Variants in PLXDC2 observed in about 807,000 individuals in gnomAD.
The protein encoded by PLXDC2 is plexin domain-containing protein 2.
PLXDC2 carries 40 observed loss-of-function variants against 68.9 expected under a neutral mutation model. The ratio of observed to expected loss-of-function variants is 0.58; its 90% CI spans 0.45 to 0.76. The LOEUF is 0.76. Among genes scored for constraint, PLXDC2 ranks in the 30% least tolerant of loss-of-function variants. The pLI, the probability that PLXDC2 is intolerant of heterozygous loss-of-function variation, is 0.00. For missense variants in PLXDC2, 644 were observed against 661.9 expected (o/e 0.97, Z 0.30); for synonymous variants, 243 against 234.2 (o/e 1.04, Z -0.34).
At chr10:19,951,759 T>C (rs1833995821) in intron 1 of PLXDC2, among the ~76,000 whole-genome samples, 1 of 152,112 alleles carries the variant, frequency 6.6e-6, no homozygotes, top group Non-Finnish European at 1.5e-5. Context: ...TGCCCATCAG[T>C]GGGGGATTGG....
At chr10:19,848,776 A>C (rs1348761512) in intron 1 of PLXDC2, among the ~76,000 whole-genome samples, 3 of 151,940 alleles carry the variant, frequency 2.0e-5, no homozygotes, top group African/African-American at 7.3e-5. Flanking sequence ...GCTGCACTTG[A>C]ATTTCATGAA....
At chr10:19,877,230 GAA>G (rs917157227) in intron 1 of PLXDC2, among the ~76,000 whole-genome samples, 1 of 151,704 alleles carries the variant, frequency 6.6e-6, no homozygotes, top group African/African-American at 2.4e-5. Flanking sequence ...GATAGAATGA[GAA>G]AGAGAGAGAG....
At chr10:20,226,761 C>G (rs1835292810) in intron 12 of PLXDC2, among the ~76,000 whole-genome samples, 3 of 152,126 alleles carry the variant, frequency 2.0e-5, no homozygotes, top group Non-Finnish European at 4.4e-5. Flanking sequence ...ATGCACTTTC[C>G]ATTTGCCATC....
At chr10:20,003,494 A>G (rs1208931612) in intron 2 of PLXDC2, among the ~76,000 whole-genome samples, 2 of 152,108 alleles carry the variant, frequency 1.3e-5, no homozygotes, top group Non-Finnish European at 2.9e-5. Context: ...GTGCAGTGGC[A>G]TGATCTCGGC....
intron 13 of PLXDC2, among the ~76,000 whole-genome samples, chr10:20,267,133 T>C (rs953451405): frequency 2.6e-5 from 4 of 152,184 alleles, no homozygotes; most frequent in Non-Finnish European, 5.9e-5. Flanking sequence ...TTTATACAAA[T>C]CTTATTAGAA....
Position 20,282,638 on chromosome 10 carries a change from G to A in PLXDC2, c.*2819G>A, listed in dbSNP as rs1279218646. 1 of 152,084 alleles carries A rather than the reference G, an allele frequency of 6.6e-6. No individual in the cohort carries two copies. The highest frequency in any genetic ancestry group is 1.5e-5 in the Non-Finnish European group (1 of 68,010). The allele number at this position is 152,084 out of a possible 1,614,324, so 9.4% of individuals were successfully genotyped here. On this transcript the variant is annotated 3_prime_UTR_variant, in exon 14 of 14. Coordinates refer to ENST00000377252, the MANE Select transcript of PLXDC2 (RefSeq NM_032812.9). The stretch of plus-strand genomic sequence containing the variant: ...CCATTATTGGAACGCTAAGCTTATG[G>A]GAGTTATTTAGAGCCTACTGCTCAA...
At chr10:20,090,481 G>A (rs1039691497) in intron 4 of PLXDC2, among the ~76,000 whole-genome samples, 1 of 151,952 alleles carries the variant, frequency 6.6e-6, no homozygotes, top group Non-Finnish European at 1.5e-5. Context: ...CCCATGCCCT[G>A]GAAACAATAT....
intron 2 of PLXDC2, among the ~76,000 whole-genome samples, chr10:20,021,418 C>G (rs765921875): frequency 5.9e-5 from 9 of 152,096 alleles, no homozygotes; most frequent in Non-Finnish European, 1.3e-4. Context: ...TGCTTTCCCT[C>G]CCCTTGACAG....
In PLXDC2 at chr10:20,228,593, A is replaced by G. The variant is rs183014446; in HGVS notation, c.1312+9491A>G. 6.4e-3 allele frequency among the ~76,000 whole-genome samples: 433 copies of G among 67,238 alleles called. 2 individuals carry two copies. Among genetic ancestry groups the G allele is most frequent in the African/African-American group, 0.021 (423 of 19,988 alleles). 44.1% of individuals were successfully genotyped at this position (67,238 alleles called of 152,430 possible). On this transcript the variant is annotated intron_variant, in intron 12 of 13. Transcript: ENST00000377252. ...AAAATAAGAAAAAAGGCAGGAAGGCAGGAAGGAAGGAAGGAAGGAGGAAAG... is the reference window on the plus strand; with the variant it reads ...AAAATAAGAAAAAAGGCAGGAAGGCGGGAAGGAAGGAAGGAAGGAGGAAAG...
intron 12 of PLXDC2, among the ~76,000 whole-genome samples, chr10:20,232,420 C>T (rs1322992613): frequency 6.6e-6 from 1 of 151,904 alleles, no homozygotes. Flanking sequence ...ACACACAAAA[C>T]TTGTAAGAGA....
At chr10:20,246,531 G>A (rs1165945795) in intron 13 of PLXDC2, among the ~76,000 whole-genome samples, 1 of 152,130 alleles carries the variant, frequency 6.6e-6, no homozygotes, top group Non-Finnish European at 1.5e-5. Context: ...TGTATTTTTA[G>A]TAGAGATGGG....
intron 6 of PLXDC2, among the ~76,000 whole-genome samples, chr10:20,149,415 T>C (rs971287332): frequency 6.6e-6 from 1 of 151,874 alleles, no homozygotes; most frequent in African/African-American, 2.4e-5. Flanking sequence ...ATTTTTGTAT[T>C]TTTAGTAGAG....
chr10:19,902,612 C>T (rs1305671352), intron 1 of PLXDC2, among the ~76,000 whole-genome samples: 2 of 152,106 alleles, frequency 1.3e-5, no homozygotes, highest in South Asian at 2.1e-4. Context: ...GGTATACGAT[C>T]ATATCACCAG....
At chr10:19,849,320 T>A (rs148518645) in intron 1 of PLXDC2, among the ~76,000 whole-genome samples, 1 of 79,780 alleles carries the variant, frequency 1.3e-5, no homozygotes, top group African/African-American at 3.3e-5. Context: ...GCTCTCTCTC[T>A]CACACATACA....
chr10:20,214,536 C>T (rs1011655007), intron 10 of PLXDC2, among the ~76,000 whole-genome samples: 1 of 152,068 alleles, frequency 6.6e-6, no homozygotes, highest in Non-Finnish European at 1.5e-5. Context: ...TTTAACTTCC[C>T]TTAATGTATA....
At chr10:20,106,074 A>T (rs1245897554) in intron 4 of PLXDC2, among the ~76,000 whole-genome samples, 2 of 152,222 alleles carry the variant, frequency 1.3e-5, no homozygotes, top group African/African-American at 4.8e-5. Flanking sequence ...CTTGCCTCTA[A>T]GTAGTCACAC....
In PLXDC2 at chr10:20,273,297, C is replaced by T. The variant is rs564628009; in HGVS notation, c.1474-6406C>T. On this transcript the variant is annotated intron_variant, in intron 13 of 13. Transcript: ENST00000377252. Reference sequence around the variant, plus strand: ...GATTTTTACTGGCATGATTGTATATCGACAAAGTTCAAAACAAGAAAATCT... The same window carrying T: ...GATTTTTACTGGCATGATTGTATATTGACAAAGTTCAAAACAAGAAAATCT... Among the ~76,000 whole-genome samples, 7 of 151,888 alleles carry T rather than the reference C, an allele frequency of 4.6e-5. No individual in the cohort carries two copies. The South Asian group carries it at 6.2e-4, about 13-fold the overall frequency.
At chr10:20,101,347 T>C (rs1833419621) in intron 4 of PLXDC2, among the ~76,000 whole-genome samples, 1 of 152,192 alleles carries the variant, frequency 6.6e-6, no homozygotes. Context: ...CTGTCAACTG[T>C]AGTCAATCGT....
At chr10:20,228,026 T>C (rs551259530) in intron 12 of PLXDC2, among the ~76,000 whole-genome samples, 2 of 152,262 alleles carry the variant, frequency 1.3e-5, no homozygotes, top group Admixed American at 1.3e-4. Context: ...GGGCGTAAGT[T>C]ATCTGGGTGG....
Sources: gnomAD v4.1 joint callset for allele counts (sites outside exome capture counted in the v4.1 genomes callset) on GRCh38, gnomAD v4.1.1 for gene constraint, MANE v1.5 for transcripts, NCBI Gene and HGNC (gene_info 2026-07-23, HGNC 2026-07-21) for gene names.